The following LAMA3 variants were observed in gnomAD, a reference collection of about 807,000 sequenced individuals.
The protein encoded by LAMA3 is laminin subunit alpha 3.
A neutral mutation model predicts 402.0 loss-of-function variants in LAMA3; 281 were observed. That is an observed-to-expected ratio of 0.70 (90% confidence interval 0.63 to 0.77). The LOEUF (loss-of-function observed/expected upper bound fraction) is 0.77. LAMA3 is among the 30% of genes least tolerant of loss of function. LAMA3 has a pLI of 0.00. For synonymous variants in LAMA3, 1,431 were observed against 1,558.4 expected, an observed-to-expected ratio of 0.92 and a Z score of 1.93; for missense variants, 3,840 against 4,215.5, an observed-to-expected ratio of 0.91 and a Z score of 2.47.
intron 20 of LAMA3, among the ~76,000 whole-genome samples, chr18:23,822,978 G>A (rs373314493): frequency 3.3e-5 from 5 of 152,194 alleles, no homozygotes; most frequent in East Asian, 1.9e-4. Flanking sequence ...GCTTCTACCT[G>A]TCCTGGAAAC....
At chr18:23,847,783 G>A in intron 32 of LAMA3, 115 bp downstream of exon 32, 1 of 1,076,162 alleles carries the variant, frequency 9.3e-7, no homozygotes, top group Non-Finnish European at 1.4e-6. Flanking sequence ...GCCCTGTGTT[G>A]ACCTCGGCAT....
chr18:23,774,812 T>A (rs1313169746), intron 9 of LAMA3, among the ~76,000 whole-genome samples: 2 of 152,038 alleles, frequency 1.3e-5, no homozygotes, highest in African/African-American at 4.8e-5. Flanking sequence ...TCTTAGTTGT[T>A]AAAAAAAATG....
At chr18:23,869,842 G>C (rs1026929274) in intron 37 of LAMA3, among the ~76,000 whole-genome samples, 1 of 152,154 alleles carries the variant, frequency 6.6e-6, no homozygotes, top group African/African-American at 2.4e-5. Flanking sequence ...GCTGAGGTGG[G>C]TGGATCACGA....
intron 2 of LAMA3, among the ~76,000 whole-genome samples, chr18:23,731,209 T>G (rs2061389606): frequency 6.6e-6 from 1 of 152,216 alleles, no homozygotes; most frequent in Non-Finnish European, 1.5e-5. Context: ...AATTTTTTCT[T>G]TTGCTCTTAA....
chr18:23,810,525 T>G, intron 13 of LAMA3, 22 bp downstream of exon 13: 1 of 1,613,680 alleles, frequency 6.2e-7, no homozygotes, highest in Non-Finnish European at 8.5e-7. Flanking sequence ...AGCAGATTGC[T>G]AGAGGGCTGG....
rs2081187231 is a variant in LAMA3 at position 23,904,697 on chromosome 18, G to A, written c.6615+3G>A. The A allele has an allele frequency of 2.5e-6, 4 of 1,613,816 alleles. No individual in the cohort carries two copies. Among genetic ancestry groups the A allele is most frequent in the Non-Finnish European group, 3.4e-6 (4 of 1,179,948 alleles). ...GTGCATCTGAATCTGCCCTCCAGGT[G>A]GGCACCTGTACCAGCAGCTTCTCCA... On this transcript the variant is annotated splice_donor_region_variant and intron_variant, in intron 51 of 74. Coordinates refer to ENST00000313654, the MANE Select transcript of LAMA3 (RefSeq NM_198129.4).
chr18:23,723,082 CCT>C (rs1478106325), intron 2 of LAMA3, among the ~76,000 whole-genome samples: 1 of 152,054 alleles, frequency 6.6e-6, no homozygotes. Context: ...TCTCACTCTC[CCT>C]GTTAATGAGC....
intron 27 of LAMA3, among the ~76,000 whole-genome samples, chr18:23,841,980 T>C (rs1651795971): frequency 6.6e-6 from 1 of 152,198 alleles, no homozygotes; most frequent in Non-Finnish European, 1.5e-5. Flanking sequence ...AGCACAGTTA[T>C]GAACATATAA....
At position 23,911,274 on chromosome 18, in the gene LAMA3, A is replaced by G. The variant is rs149919311; in HGVS notation, c.7159-1437A>G. 8.5e-4 allele frequency among the ~76,000 whole-genome samples: 130 copies of G among 152,290 alleles called. 1 individual carries two copies. The highest frequency in any genetic ancestry group is 3.0e-3 in the African/African-American group (126 of 41,564). Reference sequence around the variant, plus strand: ...TCCCCTGATTTAATGCCTTGCATATACAAGATCCTTGATAAATATTTAAAT... The same window carrying G: ...TCCCCTGATTTAATGCCTTGCATATGCAAGATCCTTGATAAATATTTAAAT... On this transcript the variant is annotated intron_variant, in intron 55 of 74. Coordinates refer to ENST00000313654, the MANE Select transcript of LAMA3 (RefSeq NM_198129.4).
intron 8 of LAMA3, among the ~76,000 whole-genome samples, chr18:23,771,062 C>T (rs1568167141): frequency 1.3e-5 from 2 of 152,142 alleles, no homozygotes; most frequent in African/African-American, 4.8e-5. Flanking sequence ...ACAATTTCCA[C>T]TCATAGGCAT....
chr18:23,861,535 C>T, intron 34 of LAMA3, 111 bp from the exon 35 acceptor site: 1 of 1,248,612 alleles, frequency 8.0e-7, no homozygotes, highest in Non-Finnish European at 1.2e-6. Context: ...AAGGAGGCCT[C>T]TGAGGCAAGG....
At position 23,804,578 on chromosome 18, in the gene LAMA3, T is replaced by C. The variant is rs114524917; in HGVS notation, c.1604-5788T>C. Among the ~76,000 whole-genome samples the C allele has an allele frequency of 5.9e-3, 895 of 152,304 alleles. 7 individuals are homozygous for C. Among genetic ancestry groups the C allele is most frequent in the African/African-American group, 0.02 (839 of 41,558 alleles). ...GATGCCTTATGGAAGGGAAAGGTGA[T>C]CAAGATCCCTGTGACCTAAATTATG... is the stretch of plus-strand genomic sequence containing the variant. On this transcript the variant is annotated intron_variant, in intron 12 of 74. Transcript: ENST00000313654.
intron 2 of LAMA3, among the ~76,000 whole-genome samples, chr18:23,721,144 T>C (rs1462968509): frequency 6.6e-6 from 1 of 151,768 alleles, no homozygotes; most frequent in African/African-American, 2.4e-5. Context: ...GGTGACAGAG[T>C]AAGACCCTGC....
intron 52 of LAMA3, among the ~76,000 whole-genome samples, chr18:23,906,980 C>A (rs2081269986): frequency 6.6e-6 from 1 of 152,166 alleles, no homozygotes; most frequent in Non-Finnish European, 1.5e-5. Flanking sequence ...CTTTCTTTCA[C>A]AGAATTTTTA....
Position 23,694,784 on chromosome 18 carries a change from G to A in LAMA3, c.294+4807G>A, listed in dbSNP as rs145906839. Among the ~76,000 whole-genome samples, 393 of 152,218 alleles carry A rather than the reference G, an allele frequency of 2.6e-3. 1 individual carries two copies. Among genetic ancestry groups the A allele is most frequent in the African/African-American group, 9.2e-3 (382 of 41,518 alleles). On this transcript the variant is annotated intron_variant, in intron 1 of 74. Coordinates refer to ENST00000313654, the MANE Select transcript of LAMA3 (RefSeq NM_198129.4). ...CTTGGAGCCATCCATTATCATGTCT[G>A]TCTCCTTATTAGGATCATGAGCTTC...
rs933670965 is a variant in LAMA3 at position 23,898,504 on chromosome 18, G to A, written c.5614-234G>A. On this transcript the variant is annotated intron_variant, in intron 44 of 74. Transcript: ENST00000313654. ...AGGTTAGGTCATTAATTCAAGTGAA[G>A]TAGCTCTTATCTCTTCACATTTGTC... 2.0e-5 allele frequency: 11 copies of A among 555,586 alleles called. No individual in the cohort carries two copies. In the Middle Eastern group the frequency reaches 1.9e-3, roughly 98 times the overall value. 34.4% of individuals were successfully genotyped at this position (555,586 alleles called of 1,614,324 possible).
intron 39 of LAMA3, 35 bp downstream of exon 39, chr18:23,876,442 C>A: frequency 7.5e-7 from 1 of 1,337,136 alleles, no homozygotes; most frequent in Non-Finnish European, 1.1e-6. Flanking sequence ...TATCAGCAGA[C>A]AATCTGTTTC....
At chr18:23,718,120 T>G (rs1386586184) in intron 2 of LAMA3, among the ~76,000 whole-genome samples, 1 of 152,184 alleles carries the variant, frequency 6.6e-6, no homozygotes, top group Non-Finnish European at 1.5e-5. Context: ...GGAGAATCTT[T>G]GGAATCTAGG....
chr18:23,717,269 G>T (rs1026525715), intron 2 of LAMA3, among the ~76,000 whole-genome samples: 4 of 152,140 alleles, frequency 2.6e-5, no homozygotes, highest in Non-Finnish European at 5.9e-5. Flanking sequence ...TGAGAGGTTA[G>T]ATTTCATAAT....
Sources: gnomAD v4.1 joint callset for allele counts (sites outside exome capture counted in the v4.1 genomes callset) on GRCh38, gnomAD v4.1.1 for gene constraint, MANE v1.5 for transcripts, NCBI Gene and HGNC (gene_info 2026-07-23, HGNC 2026-07-21) for gene names.